The following FAM185A variants were observed in gnomAD, a reference collection of about 807,000 sequenced individuals.
FAM185A encodes the protein family with sequence similarity 185 member A.
In FAM185A, 21 loss-of-function variants were observed where a neutral mutation model predicts 45.7. That is an observed-to-expected ratio of 0.46 (90% CI 0.33 to 0.66). The LOEUF is 0.66. Among genes scored for constraint, FAM185A ranks in the 30% least tolerant of loss-of-function variants. The pLI is 0.03. For missense variants in FAM185A, 305 were observed against 485.4 expected (o/e 0.63, Z 3.49); for synonymous variants, 117 against 194.0 (o/e 0.60, Z 3.30).
rs1359105042 is a variant in FAM185A at position 102,788,807 on chromosome 7, C to T, written c.1066+1338C>T. Among the ~76,000 whole-genome samples, 30 of 152,304 alleles carry T rather than the reference C, an allele frequency of 2.0e-4. No individual in the cohort carries two copies. The South Asian group carries it at 6.0e-3, about 31-fold the overall frequency. ...GTAGTAGCCTATTATTCCTAGGCTA[C>T]ACCCTGTACAGCAGGCTACTGTACT... On this transcript the variant is annotated intron_variant, in intron 7 of 7. Transcript: ENST00000413034.
At chr7:102,791,884 G>A (rs1395442833) in intron 7 of FAM185A, among the ~76,000 whole-genome samples, 1 of 152,024 alleles carries the variant, frequency 6.6e-6, no homozygotes, top group Non-Finnish European at 1.5e-5. Flanking sequence ...AATAATTTAA[G>A]AGGCCTAGAA....
At chr7:102,829,708 C>T in the FAM185A span, among the ~76,000 whole-genome samples, 3 of 152,022 alleles carry the variant, frequency 2.0e-5, no homozygotes, top group Non-Finnish European at 2.9e-5. Flanking sequence ...AACTGACCTT[C>T]GAGGTGAGGT....
chr7:102,752,724 C>A, intron 2 of FAM185A, among the ~76,000 whole-genome samples: 1 of 148,466 alleles, frequency 6.7e-6, no homozygotes. Flanking sequence ...CCATGACTGA[C>A]CTATATTTAA....
chr7:102,821,523 C>G, the FAM185A span, among the ~76,000 whole-genome samples: 1 of 152,186 alleles, frequency 6.6e-6, no homozygotes, highest in African/African-American at 2.4e-5. Context: ...ACACTTTATA[C>G]TTTGATAATA....
At chr7:102,785,244 G>A (rs902918392) in intron 6 of FAM185A, among the ~76,000 whole-genome samples, 1 of 151,578 alleles carries the variant, frequency 6.6e-6, no homozygotes, top group Non-Finnish European at 1.5e-5. Context: ...CATGAAAATG[G>A]CCATACTGCC....
chr7:102,762,937 TCTA>T (rs1383822973), intron 4 of FAM185A, among the ~76,000 whole-genome samples: 1 of 141,830 alleles, frequency 7.1e-6, no homozygotes, highest in Non-Finnish European at 1.5e-5. Flanking sequence ...GCATTGCATT[TCTA>T]ACTATCTTAA....
rs1448957404 is a variant in FAM185A at position 102,749,520 on chromosome 7, G to A, written c.313G>A (p.Val105Met). The part of the protein sequence containing the change: ...YPDGDRVLVA[V>M]CGVEGGVRGL... ...GGATGGCGACCGCGTGCTGGTCGCG[G>A]TGTGCGGCGTGGAGGGCGGCGTGCG... The change falls in exon 1 of 8, where the codon GTG (valine) becomes ATG (methionine). Residue 105 changes from valine (V) to methionine (M), a missense_variant. This residue lies in a region of FAM185A where 174 missense variants were observed against 247.1 expected (regional missense o/e 0.70). Coordinates refer to ENST00000413034, the MANE Select transcript of FAM185A (RefSeq NM_001145268.2). 1.3e-6 allele frequency: 2 copies of A among 1,521,664 alleles called. No individual in the cohort carries two copies. Among genetic ancestry groups the A allele is most frequent in the East Asian group, 4.9e-5 (2 of 40,786 alleles). 94.3% of individuals were successfully genotyped at this position (1,521,664 alleles called of 1,614,324 possible). A position where few individuals can be genotyped will look rare whatever the true frequency, so the allele number is the denominator to read the frequency against.
chr7:102,784,648 ACT>A lies in FAM185A; in HGVS notation c.932-2683_932-2682del, dbSNP rs1489080645. 7.9e-5 allele frequency among the ~76,000 whole-genome samples: 12 copies of A among 152,176 alleles called. No homozygotes were observed. In the South Asian group the frequency reaches 2.1e-3, roughly 26 times the overall value. On this transcript the variant is annotated intron_variant, in intron 6 of 7. Transcript: ENST00000413034. The stretch of plus-strand genomic sequence containing the variant: ...AATTCAACAACGCTTCATGCTAAAA[ACT>A]CTCAATAAATTAGGTATTGCTGGGA...
At chr7:102,803,558 A>T (rs898408582) in intron 7 of FAM185A, among the ~76,000 whole-genome samples, 1 of 152,168 alleles carries the variant, frequency 6.6e-6, no homozygotes, top group African/African-American at 2.4e-5. Flanking sequence ...ATCTATGACA[A>T]ACCCACAGCT....
Position 102,805,151 on chromosome 7 carries a change from A to G in FAM185A, c.1067-3139A>G, listed in dbSNP as rs149646311. Among the ~76,000 whole-genome samples, 705 of 152,320 alleles carry G rather than the reference A, an allele frequency of 4.6e-3. 13 individuals carry two copies. The highest frequency in any genetic ancestry group is 0.016 in the African/African-American group (670 of 41,576). ...TCCTTAAAGAACTAAAAGTAGAACTACCATCTGATCCAGCAGTCCCACTAC... is the reference window on the plus strand; with the variant it reads ...TCCTTAAAGAACTAAAAGTAGAACTGCCATCTGATCCAGCAGTCCCACTAC... On this transcript the variant is annotated intron_variant, in intron 7 of 7. Coordinates refer to ENST00000413034, the MANE Select transcript of FAM185A (RefSeq NM_001145268.2).
chr7:102,831,303 T>C, the FAM185A span, among the ~76,000 whole-genome samples: 7 of 152,022 alleles, frequency 4.6e-5, no homozygotes, highest in East Asian at 1.2e-3. Flanking sequence ...CCAGAGAACA[T>C]GTGGTAAGGT....
chr7:102,758,852 A>G (rs538027655), intron 3 of FAM185A, among the ~76,000 whole-genome samples: 3 of 82,974 alleles, frequency 3.6e-5, no homozygotes, highest in Non-Finnish European at 7.9e-5. Context: ...GCTATATTCC[A>G]TGGTCACTTT....
At chr7:102,827,936 G>A in the FAM185A span, among the ~76,000 whole-genome samples, 5 of 152,054 alleles carry the variant, frequency 3.3e-5, no homozygotes, top group African/African-American at 9.7e-5. Flanking sequence ...TGTTCCATTG[G>A]TCTATATCTC....
chr7:102,776,865 G>C (rs1795103936), intron 5 of FAM185A, among the ~76,000 whole-genome samples: 1 of 151,836 alleles, frequency 6.6e-6, no homozygotes, highest in African/African-American at 2.4e-5. Flanking sequence ...GACTATACAT[G>C]AGGTAGAATT....
intron 6 of FAM185A, among the ~76,000 whole-genome samples, chr7:102,785,839 TTAAAC>T (rs1451592375): frequency 2.0e-5 from 3 of 151,358 alleles, no homozygotes; most frequent in African/African-American, 7.3e-5. Context: ...TGGGATCTAA[TTAAAC>T]TAAAGAGCTT....
At chr7:102,829,538 C>T in the FAM185A span, among the ~76,000 whole-genome samples, 2 of 152,126 alleles carry the variant, frequency 1.3e-5, no homozygotes, top group African/African-American at 2.4e-5. Flanking sequence ...CACTTCACGT[C>T]GGTCATGAGG....
chr7:102,774,189 G>A (rs1006094921), intron 5 of FAM185A, among the ~76,000 whole-genome samples: 1 of 151,990 alleles, frequency 6.6e-6, no homozygotes, highest in African/African-American at 2.4e-5. Flanking sequence ...AAATTCATTT[G>A]TGTTTTTAAC....
chr7:102,780,641 G>A (rs574204634), intron 6 of FAM185A, among the ~76,000 whole-genome samples: 1 of 152,362 alleles, frequency 6.6e-6, no homozygotes, highest in Non-Finnish European at 1.5e-5. Context: ...AGGTAGGAGT[G>A]TGTGAAATAC....
the FAM185A span, among the ~76,000 whole-genome samples, chr7:102,844,775 A>C: frequency 6.6e-6 from 1 of 152,200 alleles, no homozygotes; most frequent in East Asian, 1.9e-4. Context: ...AGTAGATTTC[A>C]GATGCCAATC....
Sources: allele counts gnomAD v4.1 joint callset (sites outside exome capture counted in the v4.1 genomes callset), GRCh38; gene constraint gnomAD v4.1.1; regional missense constraint gnomAD v4.1.1; transcripts MANE v1.5; gene names NCBI Gene and HGNC (gene_info 2026-07-23, HGNC 2026-07-21).